Variants in MYO3B observed in about 807,000 individuals in gnomAD.
The protein encoded by MYO3B is myosin IIIB.
MYO3B carries 156 observed loss-of-function variants against 174.6 expected under a neutral mutation model. The observed-to-expected ratio is 0.89, with a 90% CI of 0.78 to 1.02. The LOEUF (loss-of-function observed/expected upper bound fraction) is 1.02. MYO3B is among the 50% of genes least tolerant of loss of function. The probability of loss-of-function intolerance (pLI) is 0.00; values close to 1 mark genes in which losing one functional copy is unlikely to be tolerated. For synonymous variants in MYO3B, 563 were observed against 569.1 expected, an observed-to-expected ratio of 0.99 and a Z score of 0.15; for missense variants, 1,632 against 1,639.4, an observed-to-expected ratio of 1.00 and a Z score of 0.08.
At chr2:170,393,534 A>G (rs1481074691) in intron 16 of MYO3B, among the ~76,000 whole-genome samples, 1 of 152,138 alleles carries the variant, frequency 6.6e-6, no homozygotes, top group East Asian at 1.9e-4. Flanking sequence ...CAATTTTGCA[A>G]AATATATAGA....
At chr2:170,404,665 C>T (rs532536347) in intron 20 of MYO3B, among the ~76,000 whole-genome samples, 3 of 151,978 alleles carry the variant, frequency 2.0e-5, no homozygotes, top group South Asian at 4.2e-4. Flanking sequence ...CATTTTTACA[C>T]CTTCCTCTCT....
At chr2:170,434,235 G>A (rs10930430) in intron 22 of MYO3B, among the ~76,000 whole-genome samples, 35,117 of 152,080 alleles carry the variant, frequency 0.23, 4,896 homozygotes, top group Non-Finnish European at 0.31. Context: ...TGTTGCCCAG[G>A]CTAGAGTACA....
At chr2:170,446,805 A>T (rs1006003954) in intron 23 of MYO3B, among the ~76,000 whole-genome samples, 2 of 152,204 alleles carry the variant, frequency 1.3e-5, no homozygotes, top group Non-Finnish European at 2.9e-5. Flanking sequence ...AAAGCCTACA[A>T]ATTTATTTAA....
In MYO3B at chr2:170,622,997, A is replaced by G. The variant is rs1164273294; in HGVS notation, c.3734-28631A>G. Among the ~76,000 whole-genome samples the G allele has an allele frequency of 2.0e-5, 3 of 152,186 alleles. No individual in the cohort carries two copies. The East Asian group carries it at 5.8e-4, about 29-fold the overall frequency. On this transcript the variant is annotated intron_variant, in intron 32 of 34. Transcript: ENST00000408978. ...TTGTTGGACATTTGGGTTGGTCCCAAGTCTTTACTATTGTGAGTAGTGCCG... is the reference window on the plus strand; with the variant it reads ...TTGTTGGACATTTGGGTTGGTCCCAGGTCTTTACTATTGTGAGTAGTGCCG...
chr2:170,415,685 G>A (rs1343117162), intron 22 of MYO3B, among the ~76,000 whole-genome samples: 1 of 152,042 alleles, frequency 6.6e-6, no homozygotes, highest in African/African-American at 2.4e-5. Flanking sequence ...GATACCACAT[G>A]ACCAATGTAT....
At chr2:170,421,872 A>G (rs1022389012) in intron 22 of MYO3B, among the ~76,000 whole-genome samples, 2 of 151,536 alleles carry the variant, frequency 1.3e-5, no homozygotes, top group Non-Finnish European at 2.9e-5. Flanking sequence ...TTTAATTTGT[A>G]CTCTGCAAGT....
intron 9 of MYO3B, among the ~76,000 whole-genome samples, chr2:170,372,839 C>T (rs1337856643): frequency 2.6e-5 from 4 of 152,038 alleles, no homozygotes; most frequent in Non-Finnish European, 4.4e-5. Context: ...GGGGGTTATT[C>T]GGGGTAGAGG....
intron 14 of MYO3B, 73 bp from the exon 15 acceptor site, chr2:170,391,447 A>G (rs2094411019): frequency 7.3e-6 from 5 of 687,706 alleles, no homozygotes; most frequent in Middle Eastern, 4.2e-4. Flanking sequence ...TTTTGTACAG[A>G]AAGGAAATGG....
At chr2:170,379,001 A>G (rs1410189410) in intron 9 of MYO3B, among the ~76,000 whole-genome samples, 1 of 152,210 alleles carries the variant, frequency 6.6e-6, no homozygotes, top group Non-Finnish European at 1.5e-5. Context: ...AAGGGTATTT[A>G]GTTGTCTTCA....
At chr2:170,539,399 A>C (rs908316799) in intron 30 of MYO3B, among the ~76,000 whole-genome samples, 1 of 152,202 alleles carries the variant, frequency 6.6e-6, no homozygotes, top group African/African-American at 2.4e-5. Flanking sequence ...ATGTTGCCTC[A>C]CATTACAAGA....
chr2:170,223,053 A>G (rs1206832951), intron 6 of MYO3B, among the ~76,000 whole-genome samples: 2 of 152,128 alleles, frequency 1.3e-5, no homozygotes, highest in African/African-American at 2.4e-5. Context: ...TACAAAGCAT[A>G]CCAAATTGCC....
intron 7 of MYO3B, among the ~76,000 whole-genome samples, chr2:170,254,986 G>C (rs7421254): frequency 5.3e-5 from 8 of 151,998 alleles, no homozygotes; most frequent in African/African-American, 1.9e-4. Context: ...GAGAGAGCTG[G>C]GCAGACCCCA....
At chr2:170,337,755 G>A (rs2093954923) in intron 8 of MYO3B, 4 of 152,066 alleles carry the variant, frequency 2.6e-5, no homozygotes, top group Admixed American at 1.3e-4. Flanking sequence ...TATTTTATGT[G>A]TTATATGTAT....
chr2:170,543,003 C>T (rs1417321275), intron 31 of MYO3B, 37 bp downstream of exon 31: 51 of 1,556,610 alleles, frequency 3.3e-5, no homozygotes, highest in Non-Finnish European at 4.5e-5. Flanking sequence ...AAATGTGTAT[C>T]ACTCCTTCAG....
At chr2:170,401,828 A>G (rs1357478350) in intron 18 of MYO3B, 137 bp downstream of exon 18, 8 of 746,378 alleles carry the variant, frequency 1.1e-5, no homozygotes, top group Non-Finnish European at 1.4e-5. Context: ...GTGGAGTCAG[A>G]GTCTCACGCT....
At position 170,492,556 on chromosome 2, in the gene MYO3B, A is replaced by G. The variant is rs147663770; in HGVS notation, c.3015-6036A>G. Among the ~76,000 whole-genome samples the G allele has an allele frequency of 2.0e-5, 3 of 152,342 alleles. No homozygotes were observed. The East Asian group carries it at 5.8e-4, about 29-fold the overall frequency. ...GAAATAATCTGACAACTGATCAGGA[A>G]CACACAAAGATTCCAAAATTTCTAA... On this transcript the variant is annotated intron_variant, in intron 25 of 34. Coordinates refer to ENST00000408978, the MANE Select transcript of MYO3B (RefSeq NM_138995.5).
intron 32 of MYO3B, among the ~76,000 whole-genome samples, chr2:170,623,778 A>C (rs1197655498): frequency 1.3e-5 from 2 of 152,192 alleles, no homozygotes; most frequent in Non-Finnish European, 2.9e-5. Context: ...ATCCAGTTTC[A>C]TCTTTCTACA....
intron 32 of MYO3B, among the ~76,000 whole-genome samples, chr2:170,553,527 C>G (rs1016776216): frequency 6.6e-6 from 1 of 151,998 alleles, no homozygotes; most frequent in Non-Finnish European, 1.5e-5. Flanking sequence ...GCCTGTACCC[C>G]CATTGTATCT....
chr2:170,319,665 C>T (rs1053943349), intron 7 of MYO3B, among the ~76,000 whole-genome samples: 15 of 152,066 alleles, frequency 9.9e-5, no homozygotes, highest in Non-Finnish European at 1.8e-4. Context: ...CATTAGTCTA[C>T]ACAACTGAAA....
Sources: gnomAD v4.1 joint callset for allele counts (sites outside exome capture counted in the v4.1 genomes callset) on GRCh38, gnomAD v4.1.1 for gene constraint, MANE v1.5 for transcripts, NCBI Gene and HGNC (gene_info 2026-07-23, HGNC 2026-07-21) for gene names.